Variants in TMEM178B observed in about 807,000 individuals in gnomAD.
The protein encoded by TMEM178B is transmembrane protein 178B.
In TMEM178B, 5 loss-of-function variants were observed where a neutral mutation model predicts 31.0. That is an observed-to-expected ratio of 0.16 (90% CI 0.08 to 0.34). The LOEUF (loss-of-function observed/expected upper bound fraction) is 0.34, where lower values mean the gene tolerates loss of function less well. Ranked by LOEUF, TMEM178B falls within the 10% of genes least tolerant of loss-of-function variation. The pLI, the probability that TMEM178B is intolerant of heterozygous loss-of-function variation, is 1.00. For synonymous variants in TMEM178B, 164 were observed against 164.0 expected (o/e 1.00, Z 0.00); for missense variants, 275 against 400.3 (o/e 0.69, Z 2.67).
At chr7:141,175,602 T>G (rs1005458446) in intron 1 of TMEM178B, among the ~76,000 whole-genome samples, 1 of 152,244 alleles carries the variant, frequency 6.6e-6, no homozygotes, top group African/African-American at 2.4e-5. Flanking sequence ...GAGCATATAA[T>G]GTTTTTCCAT....
chr7:141,212,387 G>A (rs1049610118), intron 1 of TMEM178B, among the ~76,000 whole-genome samples: 9 of 152,090 alleles, frequency 5.9e-5, no homozygotes, highest in Non-Finnish European at 7.4e-5. Context: ...TCCCAAAGAC[G>A]TATTTTTCCA....
chr7:141,277,689 G>A (rs925503405), intron 2 of TMEM178B, among the ~76,000 whole-genome samples: 4 of 152,138 alleles, frequency 2.6e-5, no homozygotes, highest in African/African-American at 4.8e-5. Context: ...ACTGTTGGCT[G>A]AAATGTCGTT....
chr7:141,379,377 C>A (rs965914797), intron 2 of TMEM178B, among the ~76,000 whole-genome samples: 3 of 151,966 alleles, frequency 2.0e-5, no homozygotes, highest in Admixed American at 6.6e-5. Flanking sequence ...CTCAGCTACT[C>A]GGAAGGCTGA....
Position 141,471,045 on chromosome 7 carries a change from G to A in TMEM178B, c.*259G>A, listed in dbSNP as rs143685011. ...AGAGCAAACACCACCACTTGCGACC[G>A]CGTCTTGATCCCCATCACTGGCGAG... On this transcript the variant is annotated 3_prime_UTR_variant, in exon 4 of 4. Coordinates refer to ENST00000565468, the MANE Select transcript of TMEM178B (RefSeq NM_001195278.2). The surrounding 1 kb of genome is among the most constrained non-coding windows in gnomAD (Gnocchi z 4.1). 6.2e-3 allele frequency: 952 copies of A among 153,588 alleles called. 17 individuals are homozygous for A. Among genetic ancestry groups the A allele is most frequent in the African/African-American group, 0.022 (911 of 41,468 alleles). 9.5% of individuals were successfully genotyped at this position (153,588 alleles called of 1,614,324 possible). A position where few individuals can be genotyped will look rare whatever the true frequency, so the allele number is the denominator to read the frequency against.
intron 2 of TMEM178B, among the ~76,000 whole-genome samples, chr7:141,331,336 G>A (rs752700867): frequency 6.6e-6 from 1 of 152,180 alleles, no homozygotes; most frequent in African/African-American, 2.4e-5. Flanking sequence ...GATCAGGGAC[G>A]AGCAGCAAAG....
chr7:141,211,127 A>G (rs1234151122), intron 1 of TMEM178B, among the ~76,000 whole-genome samples: 2 of 152,148 alleles, frequency 1.3e-5, no homozygotes, highest in African/African-American at 4.8e-5. Context: ...AGGAAGGAGG[A>G]TGACAGGATG....
At chr7:141,377,911 A>G (rs1032277985) in intron 2 of TMEM178B, among the ~76,000 whole-genome samples, 3 of 152,168 alleles carry the variant, frequency 2.0e-5, no homozygotes, top group African/African-American at 7.2e-5. Flanking sequence ...TATAACTACA[A>G]TACATTTGTC....
intron 1 of TMEM178B, among the ~76,000 whole-genome samples, chr7:141,119,493 C>T (rs1416500713): frequency 6.6e-6 from 1 of 152,152 alleles, no homozygotes; most frequent in Non-Finnish European, 1.5e-5. Context: ...AGCATGTGTA[C>T]TCTCTCTGCC....
At chr7:141,357,186 C>G (rs1048394488) in intron 2 of TMEM178B, among the ~76,000 whole-genome samples, 1 of 152,176 alleles carries the variant, frequency 6.6e-6, no homozygotes. Context: ...GCCTCAAGCT[C>G]TTCTCTTTTA....
rs1016226334 is a variant in TMEM178B at position 141,358,345 on chromosome 7, A to G, written c.497-79263A>G. 4.6e-5 allele frequency among the ~76,000 whole-genome samples: 7 copies of G among 152,194 alleles called. No individual in the cohort carries two copies. In the South Asian group the frequency reaches 1.0e-3, roughly 23 times the overall value. On this transcript the variant is annotated intron_variant, in intron 2 of 3. Coordinates refer to ENST00000565468, the MANE Select transcript of TMEM178B (RefSeq NM_001195278.2). The stretch of plus-strand genomic sequence containing the variant: ...TTGCACTGGTTTACAAGTGTTTCCT[A>G]TATCTTTTTCTCAATAGCTTGTTCC...
At chr7:141,095,356 C>A (rs1046853408) in intron 1 of TMEM178B, among the ~76,000 whole-genome samples, 1 of 152,134 alleles carries the variant, frequency 6.6e-6, no homozygotes, top group African/African-American at 2.4e-5. Flanking sequence ...TAACTTTTGA[C>A]TTTTTCTTTA....
chr7:141,463,995 C>A (rs1048174477), intron 3 of TMEM178B, among the ~76,000 whole-genome samples: 1 of 152,014 alleles, frequency 6.6e-6, no homozygotes, highest in African/African-American at 2.4e-5. Context: ...TCTTTGAGGG[C>A]GAAAGTAGAA....
chr7:141,183,174 T>C (rs1410394778), intron 1 of TMEM178B, among the ~76,000 whole-genome samples: 2 of 152,086 alleles, frequency 1.3e-5, no homozygotes, highest in African/African-American at 2.4e-5. Context: ...GACCTCAGAG[T>C]AAACATTTTG....
Position 141,183,529 on chromosome 7 carries a change from C to G in TMEM178B, c.383-29062C>G, listed in dbSNP as rs145646927. On this transcript the variant is annotated intron_variant, in intron 1 of 3. Transcript: ENST00000565468. ...TCTGATTTCAAACAATTTAGAGACA[C>G]CTATTTATATCCTAAACACTGATGT... Among the ~76,000 whole-genome samples the G allele has an allele frequency of 5.9e-5, 9 of 152,226 alleles. No individual in the cohort carries two copies. In the East Asian group the frequency reaches 1.5e-3, roughly 26 times the overall value.
At chr7:141,192,537 G>A (rs1796714525) in intron 1 of TMEM178B, among the ~76,000 whole-genome samples, 1 of 151,344 alleles carries the variant, frequency 6.6e-6, no homozygotes, top group African/African-American at 2.4e-5. Context: ...CGCCCAGGCT[G>A]GAGTGCAGTG....
intron 2 of TMEM178B, among the ~76,000 whole-genome samples, chr7:141,241,408 A>G (rs1014164131): frequency 7.2e-5 from 11 of 151,976 alleles, no homozygotes; most frequent in African/African-American, 2.2e-4. Flanking sequence ...CCTGGCCAAC[A>G]TGGTGAAAAC....
At chr7:141,437,558 C>T (rs1354450911) in intron 2 of TMEM178B, 50 bp from the exon 3 acceptor site, 2 of 1,531,290 alleles carry the variant, frequency 1.3e-6, no homozygotes, top group Non-Finnish European at 1.7e-6. Flanking sequence ...ATACCCTGGC[C>T]CTCAGTCCCA....
At chr7:141,445,785 GGT>G (rs1162880138) in intron 3 of TMEM178B, among the ~76,000 whole-genome samples, 1 of 152,284 alleles carries the variant, frequency 6.6e-6, no homozygotes, top group East Asian at 1.9e-4. Context: ...GAGCTATCAT[GGT>G]GAATCAAGGG....
At chr7:141,153,645 A>G (rs1272071847) in intron 1 of TMEM178B, among the ~76,000 whole-genome samples, 1 of 152,166 alleles carries the variant, frequency 6.6e-6, no homozygotes, top group Non-Finnish European at 1.5e-5. Context: ...TTATTTTTAA[A>G]CTTTGTAAAT....
Sources: allele counts gnomAD v4.1 joint callset (sites outside exome capture counted in the v4.1 genomes callset), GRCh38; gene constraint gnomAD v4.1.1; non-coding constraint Gnocchi (gnomAD v3.1); transcripts MANE v1.5; gene names NCBI Gene and HGNC (gene_info 2026-07-23, HGNC 2026-07-21).